Variants in SH3D19 observed in about 807,000 individuals in gnomAD.
SH3D19 encodes the protein SH3 domain-containing protein 19.
Under a neutral mutation model 112.1 loss-of-function variants are expected in SH3D19, and 58 were observed. That is an observed-to-expected ratio of 0.52 (90% CI 0.42 to 0.64). The LOEUF is 0.64. Ranked by LOEUF, SH3D19 falls within the 30% of genes least tolerant of loss-of-function variation. The pLI, the probability that SH3D19 is intolerant of heterozygous loss-of-function variation, is 0.00. For missense variants in SH3D19, 1,090 were observed against 1,263.4 expected (o/e 0.86, Z 2.08); for synonymous variants, 391 against 448.5 (o/e 0.87, Z 1.62).
chr4:151,254,896 GCCGGGCAGAGGCGCCCCTCACCTC>G (rs1771701223), intron 1 of SH3D19, among the ~76,000 whole-genome samples: 1 of 151,538 alleles, frequency 6.6e-6, no homozygotes, highest in Non-Finnish European at 1.5e-5. Flanking sequence ...AGTAGGGGCG[GCCGGGCAGAGGCGCCCCTCACCTC>G]CCGGGAGGGG....
At chr4:151,291,259 A>G in intron 1 of SH3D19, 1 of 1,613,986 alleles carries the variant, frequency 6.2e-7, no homozygotes, top group Non-Finnish European at 8.5e-7. Context: ...GATTAATGCC[A>G]CTATTTCAAG....
intron 9 of SH3D19, among the ~76,000 whole-genome samples, chr4:151,154,526 C>T (rs1331859849): frequency 2.0e-5 from 3 of 151,778 alleles, no homozygotes; most frequent in South Asian, 4.2e-4. Flanking sequence ...GTGATCCACC[C>T]GCCTTGGCCT....
intron 1 of SH3D19, among the ~76,000 whole-genome samples, chr4:151,236,282 C>T (rs1014194238): frequency 2.0e-5 from 3 of 152,232 alleles, no homozygotes; most frequent in East Asian, 1.9e-4. Flanking sequence ...TGCGGGCTGG[C>T]GGGGGTTCCA....
At chr4:151,272,563 T>G (rs1561418861) in intron 1 of SH3D19, among the ~76,000 whole-genome samples, 1 of 152,216 alleles carries the variant, frequency 6.6e-6, no homozygotes, top group Non-Finnish European at 1.5e-5. Context: ...GTCTCTTAAG[T>G]GTCATAATCT....
At chr4:151,166,718 G>A (rs911102993) in intron 7 of SH3D19, among the ~76,000 whole-genome samples, 4 of 152,138 alleles carry the variant, frequency 2.6e-5, no homozygotes, top group African/African-American at 7.2e-5. Flanking sequence ...TAGCTCCTGT[G>A]ATGAACAGCA....
intron 1 of SH3D19, among the ~76,000 whole-genome samples, chr4:151,319,775 G>A (rs1730357440): frequency 6.6e-6 from 1 of 152,194 alleles, no homozygotes; most frequent in Non-Finnish European, 1.5e-5. Flanking sequence ...GAATGCAGTT[G>A]TGAAAGCCCT....
intron 1 of SH3D19, among the ~76,000 whole-genome samples, chr4:151,273,356 C>T (rs1304999875): frequency 2.0e-5 from 3 of 151,746 alleles, no homozygotes; most frequent in East Asian, 1.9e-4. Flanking sequence ...TTTGGGAGGC[C>T]GAGGCGGGTG....
chr4:151,252,064 A>C (rs1771456006), intron 1 of SH3D19, among the ~76,000 whole-genome samples: 1 of 152,188 alleles, frequency 6.6e-6, no homozygotes, highest in Non-Finnish European at 1.5e-5. Context: ...TCTGTGTTCC[A>C]ATCTAAGCAT....
intron 17 of SH3D19, among the ~76,000 whole-genome samples, chr4:151,129,429 A>G (rs538014032): frequency 1.1e-4 from 16 of 152,224 alleles, no homozygotes; most frequent in African/African-American, 3.6e-4. Flanking sequence ...AAGGGCAATG[A>G]TGCAATCTTG....
chr4:151,231,515 T>C (rs1358004206), intron 1 of SH3D19, among the ~76,000 whole-genome samples: 1 of 152,204 alleles, frequency 6.6e-6, no homozygotes, highest in African/African-American at 2.4e-5. Flanking sequence ...TTTATTTACA[T>C]TTGAGATTCC....
intron 4 of SH3D19, 42 bp from the exon 5 acceptor site, chr4:151,176,997 C>T: frequency 8.1e-7 from 1 of 1,230,788 alleles, no homozygotes; most frequent in South Asian, 4.1e-5. Flanking sequence ...AGAATGGTAA[C>T]AAGCTATTGT....
chr4:151,245,683 C>A (rs1221014347), intron 1 of SH3D19, among the ~76,000 whole-genome samples: 1 of 152,188 alleles, frequency 6.6e-6, no homozygotes. Flanking sequence ...CTCACTGCAA[C>A]CTCCGCCTCC....
At chr4:151,285,113 T>A (rs544768772) in intron 1 of SH3D19, among the ~76,000 whole-genome samples, 156 of 152,262 alleles carry the variant, frequency 1.0e-3, no homozygotes, top group African/African-American at 3.7e-3. Context: ...AAAAAGAGTG[T>A]CATTCCTTTC....
intron 1 of SH3D19, among the ~76,000 whole-genome samples, chr4:151,247,259 A>T (rs899060020): frequency 6.6e-6 from 1 of 152,180 alleles, no homozygotes. Flanking sequence ...CCTTCATAAA[A>T]AGGAACGAAC....
chr4:151,167,441 G>C (rs1488601569), intron 7 of SH3D19, among the ~76,000 whole-genome samples: 6 of 151,600 alleles, frequency 4.0e-5, no homozygotes, highest in Admixed American at 1.3e-4. Flanking sequence ...CTAAAATTTG[G>C]TATATCTGTC....
intron 8 of SH3D19, among the ~76,000 whole-genome samples, chr4:151,162,832 C>T (rs925715446): frequency 3.9e-5 from 6 of 152,160 alleles, no homozygotes; most frequent in African/African-American, 1.4e-4. Context: ...GCCTCTGCCT[C>T]CCAAAGTGCT....
chr4:151,230,198 T>G (rs1421977953), intron 1 of SH3D19, among the ~76,000 whole-genome samples: 1 of 152,200 alleles, frequency 6.6e-6, no homozygotes, highest in African/African-American at 2.4e-5. Context: ...GCCACTTACG[T>G]AGAAATGGGC....
chr4:151,234,766 T>A (rs13125061), intron 1 of SH3D19, among the ~76,000 whole-genome samples: 1 of 87,162 alleles, frequency 1.1e-5, no homozygotes, highest in Admixed American at 1.2e-4. Flanking sequence ...TTTTTTTTTT[T>A]AGACAGGGGC....
At chr4:151,123,525 C>T (rs1324371428) in intron 19 of SH3D19, among the ~76,000 whole-genome samples, 8 of 152,030 alleles carry the variant, frequency 5.3e-5, no homozygotes, top group Non-Finnish European at 1.0e-4. Context: ...TGCAGTGGCA[C>T]GATCTCGGCT....
Sources: allele counts gnomAD v4.1 joint callset (sites outside exome capture counted in the v4.1 genomes callset), GRCh38; gene constraint gnomAD v4.1.1; transcripts MANE v1.5; gene names NCBI Gene and HGNC (gene_info 2026-07-23, HGNC 2026-07-21).